Variants in MARCHF1 observed in about 807,000 individuals in gnomAD.
MARCHF1 encodes E3 ubiquitin-protein ligase MARCHF1.
A neutral mutation model predicts 54.2 loss-of-function variants in MARCHF1; 40 were observed. That is an observed-to-expected ratio of 0.74 (90% CI 0.57 to 0.96). The LOEUF is 0.96. Ranked by LOEUF, MARCHF1 falls within the 40% of genes least tolerant of loss-of-function variation. MARCHF1 has a pLI of 0.00. For missense variants in MARCHF1, 586 were observed against 656.5 expected (o/e 0.89, Z 1.17); for synonymous variants, 236 against 236.3 (o/e 1.00, Z 0.01).
chr4:163,667,192 G>T (rs767110935), intron 5 of MARCHF1, among the ~76,000 whole-genome samples: 1 of 152,036 alleles, frequency 6.6e-6, no homozygotes, highest in Non-Finnish European at 1.5e-5. Flanking sequence ...AGATTCAGGA[G>T]GAAAGGTGAG....
rs538560674 is a variant in MARCHF1, at chr4:163,895,051, C to T, written c.-38-40882G>A. ...TGTGATGCACACATATACATATATG[C>T]ATGTGATGCATAAATATGCATGTGA... On this transcript the variant is annotated intron_variant, in intron 3 of 9. Coordinates refer to ENST00000514618, the MANE Select transcript of MARCHF1 (RefSeq NM_001394959.1). Among the ~76,000 whole-genome samples the T allele has an allele frequency of 9.3e-5, 14 of 150,762 alleles. No individual in the cohort carries two copies. The South Asian group carries it at 1.9e-3, about 20-fold the overall frequency.
At chr4:163,608,184 T>C (rs980856784) in intron 7 of MARCHF1, among the ~76,000 whole-genome samples, 1 of 152,138 alleles carries the variant, frequency 6.6e-6, no homozygotes, top group African/African-American at 2.4e-5. Context: ...TTAAAAGTTA[T>C]GCTATGGAAG....
intron 3 of MARCHF1, among the ~76,000 whole-genome samples, chr4:163,865,646 T>C (rs1417383385): frequency 6.6e-6 from 1 of 151,838 alleles, no homozygotes; most frequent in Non-Finnish European, 1.5e-5. Flanking sequence ...TATGGCTTTA[T>C]AACAGATAGG....
rs537716924 is a variant in MARCHF1, at chr4:163,623,365, C to T, written c.163-9972G>A. Among the ~76,000 whole-genome samples the T allele has an allele frequency of 9.2e-5, 14 of 152,310 alleles. No homozygotes were observed. In the South Asian group the frequency reaches 2.9e-3, roughly 32 times the overall value. On this transcript the variant is annotated intron_variant, in intron 5 of 9. Transcript: ENST00000514618. ...CAGTTGTCTCTGGTACACTGGGTCA[C>T]GACTTCTCAGTCCACTTCTCATATC...
intron 1 of MARCHF1, among the ~76,000 whole-genome samples, chr4:164,333,501 G>T (rs992297352): frequency 6.6e-6 from 1 of 152,030 alleles, no homozygotes; most frequent in Non-Finnish European, 1.5e-5. Context: ...AGAAATTTTT[G>T]ATGTAATAAT....
chr4:163,531,353 A>G lies in MARCHF1; in HGVS notation c.1340-2307T>C, dbSNP rs141944634. Among the ~76,000 whole-genome samples the G allele has an allele frequency of 1.6e-4, 25 of 152,024 alleles. 1 individual carries two copies. Among genetic ancestry groups the G allele is most frequent in the African/African-American group, 5.1e-4 (21 of 41,544 alleles). The stretch of plus-strand genomic sequence containing the variant: ...TTCAGAAATCAATGTAATCACATCA[A>G]TTAGCTAAAGAAAAATGTGAATATA... On this transcript the variant is annotated intron_variant, in intron 9 of 9. Coordinates refer to ENST00000514618, the MANE Select transcript of MARCHF1 (RefSeq NM_001394959.1).
At chr4:164,310,147 G>A (rs7697257) in intron 1 of MARCHF1, among the ~76,000 whole-genome samples, 5,399 of 151,704 alleles carry the variant, frequency 0.036, 184 homozygotes, top group East Asian at 0.12. Context: ...GCGCCATCTC[G>A]GCTCACTGCA....
intron 2 of MARCHF1, among the ~76,000 whole-genome samples, chr4:163,999,609 G>C (rs931051750): frequency 6.6e-6 from 1 of 151,204 alleles, no homozygotes; most frequent in Non-Finnish European, 1.5e-5. Flanking sequence ...TAGTTTAAAG[G>C]ATGCAATTTT....
chr4:164,256,534 T>C (rs1294022114), intron 1 of MARCHF1, among the ~76,000 whole-genome samples: 4 of 150,840 alleles, frequency 2.7e-5, no homozygotes, highest in Non-Finnish European at 5.9e-5. Flanking sequence ...TTCCAAAGAA[T>C]TAATTGAATA....
chr4:163,722,679 C>A (rs1480139211), intron 4 of MARCHF1, among the ~76,000 whole-genome samples: 1 of 152,160 alleles, frequency 6.6e-6, no homozygotes, highest in Non-Finnish European at 1.5e-5. Context: ...CTTTGTAGAT[C>A]TCTAAGGACT....
At chr4:163,791,105 C>A (rs1216390093) in intron 4 of MARCHF1, among the ~76,000 whole-genome samples, 1 of 152,020 alleles carries the variant, frequency 6.6e-6, no homozygotes, top group Non-Finnish European at 1.5e-5. Flanking sequence ...TCCAAGGGCA[C>A]AGTAAAGAAA....
intron 1 of MARCHF1, among the ~76,000 whole-genome samples, chr4:164,203,894 G>A (rs905099218): frequency 6.6e-6 from 1 of 152,150 alleles, no homozygotes; most frequent in Non-Finnish European, 1.5e-5. Flanking sequence ...ATTGTAAAAT[G>A]TGTTTTATTC....
rs555402535 is a variant in MARCHF1 at position 164,267,816 on chromosome 4, A to G, written c.-323+116054T>C. ...AGAGAGCCAGCAAATAAATTTCCCT[A>G]CGGTCTCAGCTCTGAGTGGACAGAG... is the stretch of plus-strand genomic sequence containing the variant. On this transcript the variant is annotated intron_variant, in intron 1 of 9. Coordinates refer to ENST00000514618, the MANE Select transcript of MARCHF1 (RefSeq NM_001394959.1). Among the ~76,000 whole-genome samples the G allele has an allele frequency of 2.6e-5, 4 of 152,286 alleles. No individual in the cohort carries two copies. The East Asian group carries it at 7.7e-4, about 29-fold the overall frequency.
chr4:164,012,059 A>G (rs980669096), intron 2 of MARCHF1, among the ~76,000 whole-genome samples: 4 of 152,216 alleles, frequency 2.6e-5, no homozygotes, highest in African/African-American at 9.6e-5. Context: ...TTACACCAGC[A>G]GGAAAAACCT....
chr4:163,716,435 TAC>T (rs1385093992), intron 4 of MARCHF1, among the ~76,000 whole-genome samples: 1 of 152,198 alleles, frequency 6.6e-6, no homozygotes, highest in Non-Finnish European at 1.5e-5. Flanking sequence ...TAGACAGAAT[TAC>T]AGTTAAGTTA....
intron 5 of MARCHF1, among the ~76,000 whole-genome samples, chr4:163,670,359 GATCTATCTATCT>G (rs34676660): frequency 7.0e-6 from 1 of 143,742 alleles, no homozygotes; most frequent in African/African-American, 2.6e-5. Flanking sequence ...CCTAGAGTAG[GATCTATCTATCT>G]ATCTATCTAT....
rs541373653 is a variant in MARCHF1 at position 164,263,324 on chromosome 4, T to C, written c.-323+120546A>G. On this transcript the variant is annotated intron_variant, in intron 1 of 9. Coordinates refer to ENST00000514618, the MANE Select transcript of MARCHF1 (RefSeq NM_001394959.1). ...TGGAAACTACAAACCATTTTTGATA[T>C]CTGCAATATATATACATATATACAC... is the stretch of plus-strand genomic sequence containing the variant. 5.3e-5 allele frequency among the ~76,000 whole-genome samples: 8 copies of C among 152,332 alleles called. No homozygotes were observed. In the Middle Eastern group the frequency reaches 0.01, roughly 194 times the overall value.
intron 1 of MARCHF1, among the ~76,000 whole-genome samples, chr4:164,190,622 A>T (rs1731099767): frequency 1.3e-5 from 2 of 152,318 alleles, no homozygotes; most frequent in South Asian, 2.1e-4. Context: ...GGTCATGTTC[A>T]TCTGGTGTAG....
At chr4:163,894,782 TATAC>T (rs1750754273) in intron 3 of MARCHF1, among the ~76,000 whole-genome samples, 1 of 90,028 alleles carries the variant, frequency 1.1e-5, no homozygotes, top group African/African-American at 4.7e-5. Context: ...GATGCATATA[TATAC>T]ATGCATGTGA....
Sources: allele counts gnomAD v4.1 joint callset (sites outside exome capture counted in the v4.1 genomes callset), GRCh38; gene constraint gnomAD v4.1.1; transcripts MANE v1.5; gene names NCBI Gene and HGNC (gene_info 2026-07-23, HGNC 2026-07-21).